VIPR2: variants seen among roughly 807,000 people sequenced by gnomAD.
VIPR2 encodes the protein vasoactive intestinal polypeptide receptor 2.
VIPR2 carries 48 observed loss-of-function variants against 58.0 expected under a neutral mutation model. That is an observed-to-expected ratio of 0.83 (90% CI 0.66 to 1.05). The LOEUF is 1.05. VIPR2 is among the 50% of genes least tolerant of loss of function. VIPR2 has a pLI of 0.00. For missense variants in VIPR2, 534 were observed against 558.0 expected, an observed-to-expected ratio of 0.96 and a Z score of 0.43; for synonymous variants, 243 against 235.2, an observed-to-expected ratio of 1.03 and a Z score of -0.30.
chr7:159,082,877 T>A (rs1856983439), intron 4 of VIPR2, among the ~76,000 whole-genome samples: 1 of 152,196 alleles, frequency 6.6e-6, no homozygotes, highest in African/African-American at 2.4e-5. Context: ...TCAAGACCAT[T>A]CCCAGTGTAT....
intron 4 of VIPR2, among the ~76,000 whole-genome samples, chr7:159,061,327 CCT>C (rs1021440555): frequency 7.1e-6 from 1 of 141,618 alleles, no homozygotes; most frequent in African/African-American, 2.6e-5. Context: ...CCATGTGCCC[CCT>C]GAGTCTAAAA....
At position 159,097,142 on chromosome 7, in the gene VIPR2, A is replaced by C; in HGVS notation, c.357+6615T>G. On this transcript the variant is annotated intron_variant, in intron 4 of 12. Coordinates refer to ENST00000262178, the MANE Select transcript of VIPR2 (RefSeq NM_003382.5). The surrounding 1 kb of genome is among the most constrained non-coding windows in gnomAD (Gnocchi z 5.3). ...ATCAGATGGTGCCTCCCACAAAGGCATCTGCAGTGCCAGCTGCTGTGATCT... is the reference window on the plus strand; with the variant it reads ...ATCAGATGGTGCCTCCCACAAAGGCCTCTGCAGTGCCAGCTGCTGTGATCT... The C allele has an allele frequency of 6.8e-7, 1 of 1,467,686 alleles. No individual in the cohort carries two copies. The highest frequency in any genetic ancestry group is 9.1e-7 in the Non-Finnish European group (1 of 1,102,852). The allele number at this position is 1,467,686 out of a possible 1,614,324, so 90.9% of individuals were successfully genotyped here.
intron 4 of VIPR2, among the ~76,000 whole-genome samples, chr7:159,061,523 T>C (rs2467806): frequency 0.99 from 150,799 of 151,958 alleles, 74,827 homozygotes; most frequent in East Asian, 1. Flanking sequence ...TGTGGCTGTG[T>C]GTGCCTGTGG....
Position 159,096,900 on chromosome 7 carries a change from C to T in VIPR2, c.357+6857G>A. 1 of 1,550,500 alleles carries T rather than the reference C, an allele frequency of 6.4e-7. No homozygotes were observed. Among genetic ancestry groups the T allele is most frequent in the South Asian group, 1.2e-5 (1 of 84,034 alleles). ...ACCCTCTCTGTGGCCGCCTTGCTGT[C>T]CCCGTTCCCATCACTCGATGAGCCA... On this transcript the variant is annotated intron_variant, in intron 4 of 12. Coordinates refer to ENST00000262178, the MANE Select transcript of VIPR2 (RefSeq NM_003382.5). The surrounding 1 kb of genome is among the most constrained non-coding windows in gnomAD (Gnocchi z 5.5).
At chr7:159,081,994 G>T (rs1397504269) in intron 4 of VIPR2, among the ~76,000 whole-genome samples, 1 of 152,160 alleles carries the variant, frequency 6.6e-6, no homozygotes, top group Non-Finnish European at 1.5e-5. Context: ...TGGAGAAATA[G>T]GAACACTTTT....
At chr7:159,124,007 T>C (rs1796566630) in intron 2 of VIPR2, among the ~76,000 whole-genome samples, 1 of 152,266 alleles carries the variant, frequency 6.6e-6, no homozygotes, top group Non-Finnish European at 1.5e-5. Context: ...TGTTTTTCTC[T>C]TGTAAATTCG....
chr7:159,031,224 G>A lies in VIPR2; in HGVS notation c.1144-435C>T, dbSNP rs374987130. 4.6e-5 allele frequency among the ~76,000 whole-genome samples: 7 copies of A among 152,248 alleles called. No homozygotes were observed. Among genetic ancestry groups the A allele is most frequent in the African/African-American group, 1.7e-4 (7 of 41,544 alleles). On this transcript the variant is annotated intron_variant, in intron 12 of 12. Transcript: ENST00000262178. The surrounding 1 kb of genome is among the most constrained non-coding windows in gnomAD (Gnocchi z 4.0). ...GGTGCCCGGACGGCAGAGGAGGGAGGAGGACAAGTGGCACTACTCGGGCTC... is the reference window on the plus strand; with the variant it reads ...GGTGCCCGGACGGCAGAGGAGGGAGAAGGACAAGTGGCACTACTCGGGCTC...
intron 10 of VIPR2, among the ~76,000 whole-genome samples, chr7:159,033,178 G>A (rs1033657765): frequency 6.6e-6 from 1 of 152,258 alleles, no homozygotes. Context: ...GCTGAGGCAT[G>A]GAGTGGCAAA....
intron 2 of VIPR2, among the ~76,000 whole-genome samples, chr7:159,115,328 C>T (rs1394565398): frequency 2.6e-5 from 4 of 152,234 alleles, no homozygotes; most frequent in Admixed American, 2.6e-4. Flanking sequence ...CAATGAAACC[C>T]TTTGGCTCGC....
chr7:159,111,829 C>T (rs1796015333), intron 2 of VIPR2, among the ~76,000 whole-genome samples: 1 of 152,044 alleles, frequency 6.6e-6, no homozygotes, highest in African/African-American at 2.4e-5. Flanking sequence ...GGCAACATAG[C>T]GAGACCCCAT....
rs1286823628 is a variant in VIPR2, at chr7:159,073,486, C to T, written c.358-14908G>A. The stretch of plus-strand genomic sequence containing the variant: ...AGGTTGGAGTGAAGTGGCCCCATCT[C>T]GGCTCACTGCAGCCTCTGCCTCCCG... On this transcript the variant is annotated intron_variant, in intron 4 of 12. Coordinates refer to ENST00000262178, the MANE Select transcript of VIPR2 (RefSeq NM_003382.5). 4.6e-5 allele frequency among the ~76,000 whole-genome samples: 7 copies of T among 152,164 alleles called. No homozygotes were observed. The East Asian group carries it at 5.8e-4, about 13-fold the overall frequency.
chr7:159,050,985 A>G (rs745707125), intron 5 of VIPR2, among the ~76,000 whole-genome samples: 2 of 152,250 alleles, frequency 1.3e-5, no homozygotes, highest in Non-Finnish European at 2.9e-5. Flanking sequence ...ATAACTGCCA[A>G]CAGAATTCAA....
At chr7:159,115,480 C>T (rs1283227646) in intron 2 of VIPR2, among the ~76,000 whole-genome samples, 1 of 152,244 alleles carries the variant, frequency 6.6e-6, no homozygotes, top group Non-Finnish European at 1.5e-5. Context: ...CTTCCTCTTT[C>T]AAAACTTGGC....
chr7:159,120,213 G>A (rs117671394), intron 2 of VIPR2, among the ~76,000 whole-genome samples: 2,109 of 152,302 alleles, frequency 0.014, 28 homozygotes, highest in Admixed American at 0.033. Context: ...AAAAAATTTC[G>A]TGTTTTTCTC....
At chr7:159,080,810 T>G (rs1270583381) in intron 4 of VIPR2, among the ~76,000 whole-genome samples, 2 of 152,004 alleles carry the variant, frequency 1.3e-5, no homozygotes, top group Non-Finnish European at 2.9e-5. Context: ...ACAAGCATTC[T>G]TATACACCAA....
In VIPR2 at chr7:159,093,254, A is replaced by G. The variant is rs555081491; in HGVS notation, c.357+10503T>C. On this transcript the variant is annotated intron_variant, in intron 4 of 12. Coordinates refer to ENST00000262178, the MANE Select transcript of VIPR2 (RefSeq NM_003382.5). The surrounding 1 kb of genome is among the most constrained non-coding windows in gnomAD (Gnocchi z 6.7). Reference sequence around the variant, plus strand: ...CTTTGAGAACTTTGTGTGCTCATTTACTTTTCCTTAGGTTGAGACTGAAAA... The same window carrying G: ...CTTTGAGAACTTTGTGTGCTCATTTGCTTTTCCTTAGGTTGAGACTGAAAA... 6.6e-6 allele frequency among the ~76,000 whole-genome samples: 1 copy of G among 152,284 alleles called. No homozygotes were observed. Among genetic ancestry groups the G allele is most frequent in the East Asian group, 1.9e-4 (1 of 5,182 alleles).
Position 159,097,786 on chromosome 7 carries a change from C to G in VIPR2, c.357+5971G>C, listed in dbSNP as rs1857954771. 6.6e-6 allele frequency among the ~76,000 whole-genome samples: 1 copy of G among 152,110 alleles called. No individual in the cohort carries two copies. Among genetic ancestry groups the G allele is most frequent in the African/African-American group, 2.4e-5 (1 of 41,426 alleles). On this transcript the variant is annotated intron_variant, in intron 4 of 12. Transcript: ENST00000262178. The surrounding 1 kb of genome is among the most constrained non-coding windows in gnomAD (Gnocchi z 5.3). Reference sequence around the variant, plus strand: ...CAGACCAAGATTTCTGGGTCTGATCCCAGGAGTGGGATAGGGCGGGCAACA... The same window carrying G: ...CAGACCAAGATTTCTGGGTCTGATCGCAGGAGTGGGATAGGGCGGGCAACA...
chr7:159,102,209 G>A (rs1454211628), intron 4 of VIPR2, among the ~76,000 whole-genome samples: 2 of 150,614 alleles, frequency 1.3e-5, no homozygotes, highest in African/African-American at 2.4e-5. Context: ...GATAGTGAAC[G>A]GGTCTCAGAA....
chr7:159,126,517 T>C (rs1183742744), intron 2 of VIPR2, among the ~76,000 whole-genome samples: 2 of 152,216 alleles, frequency 1.3e-5, no homozygotes, highest in Non-Finnish European at 2.9e-5. Flanking sequence ...AGCAATTACC[T>C]GTCAAAACTA....
Sources: gnomAD v4.1 joint callset for allele counts (sites outside exome capture counted in the v4.1 genomes callset) on GRCh38, gnomAD v4.1.1 for gene constraint, Gnocchi (gnomAD v3.1) non-coding constraint, MANE v1.5 for transcripts, NCBI Gene and HGNC (gene_info 2026-07-23, HGNC 2026-07-21) for gene names.